SPAG17: variants seen among roughly 807,000 people sequenced by gnomAD.
SPAG17 encodes the protein sperm associated antigen 17.
SPAG17 carries 169 observed loss-of-function variants against 273.6 expected under a neutral mutation model. The ratio of observed to expected loss-of-function variants is 0.62; its 90% confidence interval spans 0.55 to 0.70. The LOEUF is 0.70. SPAG17 is among the 30% of genes least tolerant of loss of function. SPAG17 has a pLI of 0.00. For missense variants in SPAG17, 2,557 were observed against 2,627.8 expected (o/e 0.97, Z 0.59); for synonymous variants, 825 against 873.2 (o/e 0.94, Z 0.97).
chr1:118,128,698 C>T lies in SPAG17; in HGVS notation c.316-13257G>A, dbSNP rs78724457. ...ATGGCTGGTCCCTGAACTTCCTGCACCCCAACACTGGAGCACTAGATGTGT... is the reference window on the plus strand; with the variant it reads ...ATGGCTGGTCCCTGAACTTCCTGCATCCCAACACTGGAGCACTAGATGTGT... On this transcript the variant is annotated intron_variant, in intron 3 of 48. Transcript: ENST00000336338. Among the ~76,000 whole-genome samples the T allele has an allele frequency of 3.9e-5, 6 of 152,314 alleles. No individual in the cohort carries two copies. In the East Asian group the frequency reaches 1.2e-3, roughly 29 times the overall value.
At chr1:117,976,001 T>C (rs1395953347) in intron 43 of SPAG17, among the ~76,000 whole-genome samples, 1 of 152,192 alleles carries the variant, frequency 6.6e-6, no homozygotes, top group African/African-American at 2.4e-5. Context: ...CTGTGATGTA[T>C]ATAGCATTAT....
intron 27 of SPAG17, 38 bp downstream of exon 27, chr1:118,025,200 G>A (rs1487988177): frequency 6.3e-7 from 1 of 1,599,990 alleles, no homozygotes; most frequent in Non-Finnish European, 8.5e-7. Flanking sequence ...TTTTACTTTG[G>A]AACAGGGAAG....
At chr1:118,056,017 AAT>A (rs1651635810) in intron 18 of SPAG17, 103 bp from the exon 19 acceptor site, 1 of 854,930 alleles carries the variant, frequency 1.2e-6, no homozygotes, top group Non-Finnish European at 1.8e-6. Context: ...TCAAAAATAT[AAT>A]GAGTTTGAAT....
At chr1:118,025,198 T>C (rs1435910718) in intron 27 of SPAG17, 40 bp downstream of exon 27, 3 of 1,600,330 alleles carry the variant, frequency 1.9e-6, no homozygotes, top group Non-Finnish European at 2.6e-6. Flanking sequence ...TCTTTTACTT[T>C]GGAACAGGGA....
chr1:118,007,631 A>C (rs1217325980), intron 31 of SPAG17, among the ~76,000 whole-genome samples: 2 of 152,150 alleles, frequency 1.3e-5, no homozygotes, highest in Non-Finnish European at 2.9e-5. Flanking sequence ...TAGGACTTTG[A>C]GTAGAGTAGT....
intron 22 of SPAG17, 144 bp downstream of exon 22, chr1:118,040,586 T>C: frequency 1.6e-6 from 1 of 625,616 alleles, no homozygotes; most frequent in Non-Finnish European, 2.9e-6. Flanking sequence ...GTGTGAAGTC[T>C]GAAAATGCTG....
chr1:117,982,207 C>T (rs897005473), intron 42 of SPAG17, among the ~76,000 whole-genome samples: 7 of 150,900 alleles, frequency 4.6e-5, no homozygotes, highest in Middle Eastern at 3.5e-3. Flanking sequence ...CTTCAAGTAT[C>T]GTATGGTACA....
chr1:117,959,578 G>A, intron 48 of SPAG17: 1 of 1,022,518 alleles, frequency 9.8e-7, no homozygotes, highest in South Asian at 2.3e-5. Flanking sequence ...ATATCAGGAT[G>A]TGGTTTCCAG....
At chr1:118,075,527 G>A (rs1229795579) in intron 15 of SPAG17, among the ~76,000 whole-genome samples, 8 of 152,218 alleles carry the variant, frequency 5.3e-5, no homozygotes, top group Admixed American at 5.2e-4. Context: ...CTCTAATTGA[G>A]AAATGGATAA....
At chr1:118,042,111 T>C (rs964197278) in intron 20 of SPAG17, 69 bp from the exon 21 acceptor site, 82 of 1,531,594 alleles carry the variant, frequency 5.4e-5, no homozygotes, top group Non-Finnish European at 7.1e-5. Context: ...TTCAGGTTCA[T>C]TTTGAAGAAT....
chr1:118,117,460 G>A (rs969218756), intron 3 of SPAG17, among the ~76,000 whole-genome samples: 6 of 152,184 alleles, frequency 3.9e-5, no homozygotes, highest in African/African-American at 1.2e-4. Flanking sequence ...GTATTTTGCA[G>A]GTCATAATAG....
intron 3 of SPAG17, among the ~76,000 whole-genome samples, chr1:118,121,930 AATT>A (rs1406391692): frequency 2.0e-5 from 3 of 152,210 alleles, no homozygotes; most frequent in Non-Finnish European, 4.4e-5. Flanking sequence ...ATTTCTATCT[AATT>A]ATCCTGCAGC....
chr1:118,005,274 T>C (rs2101736302), intron 32 of SPAG17, 140 bp downstream of exon 32: 2 of 617,326 alleles, frequency 3.2e-6, no homozygotes, highest in South Asian at 3.2e-5. Flanking sequence ...CATTCATTAC[T>C]GCTTGCCCAA....
chr1:117,989,224 C>T (rs1049892866), intron 38 of SPAG17, among the ~76,000 whole-genome samples: 8 of 152,150 alleles, frequency 5.3e-5, no homozygotes, highest in Non-Finnish European at 1.2e-4. Flanking sequence ...GTACCTGAGG[C>T]TGTGTAATTC....
At chr1:118,007,606 T>A (rs971066104) in intron 31 of SPAG17, among the ~76,000 whole-genome samples, 3 of 152,214 alleles carry the variant, frequency 2.0e-5, no homozygotes, top group African/African-American at 7.2e-5. Context: ...CACCATGTGC[T>A]CTGTCTTGTG....
intron 48 of SPAG17, among the ~76,000 whole-genome samples, chr1:117,954,365 A>G (rs1468278381): frequency 1.3e-5 from 2 of 152,084 alleles, no homozygotes; most frequent in East Asian, 1.9e-4. Flanking sequence ...AGGCAGGGTA[A>G]CCATTTCAGA....
chr1:118,001,688 G>T (rs1658302033), intron 32 of SPAG17, among the ~76,000 whole-genome samples: 1 of 152,008 alleles, frequency 6.6e-6, no homozygotes, highest in African/African-American at 2.4e-5. Context: ...ATTTTTTATT[G>T]TGTCTATTTG....
chr1:118,017,549 T>A (rs1422262538), intron 28 of SPAG17, among the ~76,000 whole-genome samples: 1 of 152,170 alleles, frequency 6.6e-6, no homozygotes, highest in Non-Finnish European at 1.5e-5. Context: ...CTACAGGTGA[T>A]ATTTAATAAC....
intron 28 of SPAG17, among the ~76,000 whole-genome samples, chr1:118,019,853 C>T (rs1045023151): frequency 2.6e-5 from 4 of 152,072 alleles, no homozygotes; most frequent in African/African-American, 9.7e-5. Context: ...GAATTATATA[C>T]CTCGTGAAAT....
Sources: gnomAD v4.1 joint callset for allele counts (sites outside exome capture counted in the v4.1 genomes callset) on GRCh38, gnomAD v4.1.1 for gene constraint, MANE v1.5 for transcripts, NCBI Gene and HGNC (gene_info 2026-07-23, HGNC 2026-07-21) for gene names.